ATAD2: variants seen among roughly 807,000 people sequenced by gnomAD.
ATAD2 encodes ATPase family AAA domain-containing protein 2.
A neutral mutation model predicts 168.9 loss-of-function variants in ATAD2; 62 were observed. The ratio of observed to expected loss-of-function variants is 0.37; its 90% CI spans 0.30 to 0.45. ATAD2 has a LOEUF of 0.45. ATAD2 is among the 20% of genes least tolerant of loss of function. The pLI is 1.00. For synonymous variants in ATAD2, 613 were observed against 571.6 expected (o/e 1.07, Z -1.03); for missense variants, 1,419 against 1,667.8 (o/e 0.85, Z 2.60).
At chr8:123,345,199 C>T in intron 18 of ATAD2, 130 bp from the exon 19 acceptor site, 1 of 699,070 alleles carries the variant, frequency 1.4e-6, no homozygotes, top group East Asian at 3.1e-5. Context: ...AAATGCTTCT[C>T]CAAAATCCCA....
At position 123,321,079 on chromosome 8, in the gene ATAD2, C is replaced by T; in HGVS notation, c.*55G>A. 1 of 1,525,880 alleles carries T rather than the reference C, an allele frequency of 6.6e-7. No homozygotes were observed. The highest frequency in any genetic ancestry group is 9.0e-7 in the Non-Finnish European group (1 of 1,111,378). 94.5% of individuals were successfully genotyped at this position (1,525,880 alleles called of 1,614,324 possible). A position where few individuals can be genotyped will look rare whatever the true frequency, so the allele number is the denominator to read the frequency against. On this transcript the variant is annotated 3_prime_UTR_variant, in exon 28 of 28. Coordinates refer to ENST00000287394, the MANE Select transcript of ATAD2 (RefSeq NM_014109.4). ...TACTACATCAATTAGGCGGACATGA[C>T]AAAAATGACTTAAATAGGAACTGAA... is the stretch of plus-strand genomic sequence containing the variant.
chr8:123,406,401 T>C (rs1013847699), intron 1 of ATAD2, among the ~76,000 whole-genome samples: 1 of 101,758 alleles, frequency 9.8e-6, no homozygotes, highest in East Asian at 3.2e-4. Flanking sequence ...AAAAAAAAAA[T>C]AGTTTTAATA....
At chr8:123,410,869 C>T (rs978147077) in intron 1 of ATAD2, among the ~76,000 whole-genome samples, 11 of 152,244 alleles carry the variant, frequency 7.2e-5, no homozygotes, top group Non-Finnish European at 1.6e-4. Context: ...CGCCCATTGC[C>T]GCTCTGGATC....
At chr8:123,365,167 C>G (rs1563852260) in intron 8 of ATAD2, among the ~76,000 whole-genome samples, 1 of 152,094 alleles carries the variant, frequency 6.6e-6, no homozygotes, top group South Asian at 2.1e-4. Context: ...AAGAACTCAA[C>G]CCCTTTTACA....
intron 13 of ATAD2, among the ~76,000 whole-genome samples, chr8:123,349,874 TAA>T (rs397891535): frequency 1.7e-4 from 23 of 137,098 alleles, no homozygotes; most frequent in Admixed American, 2.2e-4. Flanking sequence ...CCATCTCTAT[TAA>T]AAAAAAAAAA....
chr8:123,385,588 G>A (rs188361133), intron 1 of ATAD2, among the ~76,000 whole-genome samples: 1 of 152,114 alleles, frequency 6.6e-6, no homozygotes, highest in Admixed American at 6.5e-5. Context: ...AAACAGCATT[G>A]GATTTGGCAA....
intron 1 of ATAD2, among the ~76,000 whole-genome samples, chr8:123,382,961 A>C (rs1458538058): frequency 6.6e-6 from 1 of 152,246 alleles, no homozygotes; most frequent in Non-Finnish European, 1.5e-5. Context: ...CCCATCAATG[A>C]TAGACTGGAT....
intron 4 of ATAD2, 135 bp from the exon 5 acceptor site, chr8:123,371,473 T>C: frequency 2.4e-6 from 2 of 850,062 alleles, no homozygotes. Flanking sequence ...GATTTACTTG[T>C]ATAAAAATAT....
rs369342465 is a variant in ATAD2 at position 123,349,425 on chromosome 8, G to T, written c.1666C>A (p.Leu556Ile). ...QIHSSIVSTLLALMDGLDSRG... is the reference protein window; with the variant it reads ...QIHSSIVSTLIALMDGLDSRG... ...CTGTCCAATCCATCCATAAGAGCTAGCAGGGTGGAAACAATAGAACTAAAT... is the reference window on the plus strand; with the variant it reads ...CTGTCCAATCCATCCATAAGAGCTATCAGGGTGGAAACAATAGAACTAAAT... The change falls in exon 14 of 28, where the codon CTA becomes ATA. Residue 556 changes from leucine (L) to isoleucine (I), a missense_variant. Leu to Ile is a conservative substitution (Grantham distance 5, BLOSUM62 2). Coordinates refer to ENST00000287394, the MANE Select transcript of ATAD2 (RefSeq NM_014109.4). The T allele has an allele frequency of 1.5e-5, 25 of 1,613,780 alleles. No individual in the cohort carries two copies. Among genetic ancestry groups the T allele is most frequent in the Non-Finnish European group, 2.1e-5 (25 of 1,179,948 alleles).
intron 11 of ATAD2, among the ~76,000 whole-genome samples, chr8:123,358,965 A>G (rs185645783): frequency 7.2e-5 from 11 of 151,956 alleles, no homozygotes; most frequent in East Asian, 3.9e-4. Context: ...TGGCCCCCCA[A>G]AGTGCTGGGA....
chr8:123,380,259 G>A (rs1221904527), intron 2 of ATAD2, among the ~76,000 whole-genome samples: 1 of 151,728 alleles, frequency 6.6e-6, no homozygotes, highest in African/African-American at 2.4e-5. Context: ...CTCCATGTTG[G>A]TCAGGCTGGT....
intron 9 of ATAD2, among the ~76,000 whole-genome samples, chr8:123,361,316 CAAAA>C (rs60766157): frequency 9.8e-6 from 1 of 102,504 alleles, no homozygotes; most frequent in Non-Finnish European, 2.2e-5. Context: ...GGCCCTGTCT[CAAAA>C]AAAAAAAAAA....
chr8:123,332,349 C>T (rs766395413), intron 24 of ATAD2, among the ~76,000 whole-genome samples: 9 of 152,142 alleles, frequency 5.9e-5, no homozygotes, highest in Non-Finnish European at 1.0e-4. Flanking sequence ...AAGAAACTCA[C>T]ATAATCAGCA....
At chr8:123,385,750 A>C (rs1300127449) in intron 1 of ATAD2, among the ~76,000 whole-genome samples, 1 of 152,160 alleles carries the variant, frequency 6.6e-6, no homozygotes, top group African/African-American at 2.4e-5. Flanking sequence ...CAAATCATAT[A>C]CTGATAAGGT....
intron 19 of ATAD2, among the ~76,000 whole-genome samples, chr8:123,340,740 GAATA>G (rs1263422024): frequency 6.6e-6 from 1 of 152,152 alleles, no homozygotes; most frequent in African/African-American, 2.4e-5. Context: ...GAGGTACCTA[GAATA>G]AATAATTCAG....
At chr8:123,350,891 A>AT (rs951831793) in intron 13 of ATAD2, among the ~76,000 whole-genome samples, 13 of 151,222 alleles carry the variant, frequency 8.6e-5, no homozygotes, top group Non-Finnish European at 1.5e-4. Flanking sequence ...TGCCTGGCTA[A>AT]TTTTTTTGTA....
chr8:123,415,008 A>G (rs1385279275), intron 1 of ATAD2, among the ~76,000 whole-genome samples: 1 of 151,422 alleles, frequency 6.6e-6, no homozygotes, highest in Non-Finnish European at 1.5e-5. Context: ...GTCCTGTGTG[A>G]TTTATGCTTT....
At position 123,354,173 on chromosome 8, in the gene ATAD2, C is replaced by T. The variant is rs116248928; in HGVS notation, c.1646+2216G>A. Among the ~76,000 whole-genome samples, 438 of 152,272 alleles carry T rather than the reference C, an allele frequency of 2.9e-3. 3 individuals carry two copies. Among genetic ancestry groups the T allele is most frequent in the African/African-American group, 1.0e-2 (415 of 41,554 alleles). ...AGGGTAATTTGACTTCTTTATTTCA[C>T]ACTTGTATCTTCTTTCTCTTAGGTT... On this transcript the variant is annotated intron_variant, in intron 13 of 27. Transcript: ENST00000287394.
chr8:123,345,162 G>C, intron 18 of ATAD2, 93 bp from the exon 19 acceptor site: 1 of 1,206,736 alleles, frequency 8.3e-7, no homozygotes, highest in African/African-American at 1.5e-5. Flanking sequence ...CCTCCCAGGA[G>C]TAACATATAA....
Sources: allele counts gnomAD v4.1 joint callset (sites outside exome capture counted in the v4.1 genomes callset), GRCh38; gene constraint gnomAD v4.1.1; transcripts MANE v1.5; gene names NCBI Gene and HGNC (gene_info 2026-07-23, HGNC 2026-07-21).